ANKS1A: variants seen among roughly 807,000 people sequenced by gnomAD.
ANKS1A encodes the protein ankyrin repeat and SAM domain-containing protein 1A.
In ANKS1A, 55 loss-of-function variants were observed where a neutral mutation model predicts 120.3. The ratio of observed to expected loss-of-function variants is 0.46; its 90% CI spans 0.37 to 0.57. The LOEUF (loss-of-function observed/expected upper bound fraction) is 0.57. Among genes scored for constraint, ANKS1A ranks in the 20% least tolerant of loss-of-function variants. The pLI is 0.00. For synonymous variants in ANKS1A, 590 were observed against 604.7 expected, an observed-to-expected ratio of 0.98 and a Z score of 0.36; for missense variants, 1,123 against 1,480.3, an observed-to-expected ratio of 0.76 and a Z score of 3.96.
rs555284964 is a variant in ANKS1A, at chr6:35,086,529, C to T, written c.3304-423C>T. ...GTGTGCTTCAGCCCTCTCTGTTTTT[C>T]TGTTGTGTGTCCTCTCTCCAGAGGT... On this transcript the variant is annotated intron_variant, in intron 22 of 23. Coordinates refer to ENST00000360359, the MANE Select transcript of ANKS1A (RefSeq NM_015245.3). The surrounding 1 kb of genome is among the most constrained non-coding windows in gnomAD (Gnocchi z 5.1). Among the ~76,000 whole-genome samples the T allele has an allele frequency of 2.0e-5, 3 of 152,086 alleles. No individual in the cohort carries two copies. The highest frequency in any genetic ancestry group is 3.9e-4 in the East Asian group (2 of 5,152).
Position 34,954,358 on chromosome 6 carries a change from C to T in ANKS1A, c.198-12881C>T, listed in dbSNP as rs572010553. 1.7e-4 allele frequency among the ~76,000 whole-genome samples: 26 copies of T among 151,818 alleles called. No homozygotes were observed. In the South Asian group the frequency reaches 5.0e-3, roughly 29 times the overall value. ...TGGGAAACCTATGGATTTGTGCGTG[C>T]GTGTGTGTGTGTGGTATTGTGTGTG... On this transcript the variant is annotated intron_variant, in intron 1 of 23. Transcript: ENST00000360359.
intron 13 of ANKS1A, among the ~76,000 whole-genome samples, chr6:35,063,133 G>A (rs75791894): frequency 6.6e-6 from 1 of 152,200 alleles, no homozygotes; most frequent in African/African-American, 2.4e-5. Context: ...GGGCAGTGGG[G>A]GCTGCCAGGT....
At chr6:34,988,640 A>C (rs1037243708) in intron 8 of ANKS1A, among the ~76,000 whole-genome samples, 12 of 152,344 alleles carry the variant, frequency 7.9e-5, no homozygotes, top group Middle Eastern at 3.4e-3. Context: ...ATAGAGTTTC[A>C]TATAATACTT....
At chr6:35,027,186 G>A (rs2127566392) in intron 11 of ANKS1A, among the ~76,000 whole-genome samples, 1 of 152,286 alleles carries the variant, frequency 6.6e-6, no homozygotes, top group East Asian at 1.9e-4. Flanking sequence ...AGTGAGGGAG[G>A]CCAACTGATT....
At chr6:35,068,096 G>A (rs1172707758) in intron 13 of ANKS1A, among the ~76,000 whole-genome samples, 4 of 152,100 alleles carry the variant, frequency 2.6e-5, no homozygotes, top group African/African-American at 9.7e-5. Context: ...GTTTCACCAT[G>A]TTGGCCAGGC....
intron 13 of ANKS1A, among the ~76,000 whole-genome samples, chr6:35,071,991 C>G (rs1031608519): frequency 3.9e-5 from 6 of 152,272 alleles, no homozygotes; most frequent in African/African-American, 1.4e-4. Flanking sequence ...CTAAAAGGGT[C>G]TACACCAGTG....
At chr6:35,033,768 G>A (rs947751640) in intron 11 of ANKS1A, among the ~76,000 whole-genome samples, 1 of 152,202 alleles carries the variant, frequency 6.6e-6, no homozygotes, top group Non-Finnish European at 1.5e-5. Context: ...AATGAAGAAC[G>A]AGTCTATTGG....
chr6:35,064,755 T>A (rs1412218779), intron 13 of ANKS1A, among the ~76,000 whole-genome samples: 1 of 152,164 alleles, frequency 6.6e-6, no homozygotes, highest in African/African-American at 2.4e-5. Context: ...GGCACCATTA[T>A]CAGAATGGTC....
chr6:34,911,322 C>A (rs1767898101), intron 1 of ANKS1A, among the ~76,000 whole-genome samples: 1 of 152,150 alleles, frequency 6.6e-6, no homozygotes, highest in Non-Finnish European at 1.5e-5. Flanking sequence ...GTGCAGAAAG[C>A]CAAATCGGTA....
chr6:35,096,290 C>G (rs1778468480), downstream of ANKS1A, among the ~76,000 whole-genome samples: 1 of 152,232 alleles, frequency 6.6e-6, no homozygotes, highest in South Asian at 2.1e-4. Context: ...CTACATCCCT[C>G]CCTCCTGGGA....
chr6:34,901,747 G>A (rs1414771480), intron 1 of ANKS1A, among the ~76,000 whole-genome samples: 2 of 152,168 alleles, frequency 1.3e-5, no homozygotes, highest in Admixed American at 1.3e-4. Context: ...CTGGGCTTAA[G>A]AGATCTGCCC....
intron 1 of ANKS1A, among the ~76,000 whole-genome samples, chr6:34,960,831 T>A (rs1223751953): frequency 6.6e-6 from 1 of 152,196 alleles, no homozygotes; most frequent in Non-Finnish European, 1.5e-5. Flanking sequence ...CATGAATGAT[T>A]TAAGTCCTGG....
intron 11 of ANKS1A, among the ~76,000 whole-genome samples, chr6:35,036,227 G>A (rs1399447826): frequency 2.0e-5 from 3 of 152,186 alleles, no homozygotes; most frequent in Non-Finnish European, 4.4e-5. Context: ...TGGGGCTGAG[G>A]ACTGCTGCCA....
chr6:34,938,817 ATC>A (rs985823745), intron 1 of ANKS1A, among the ~76,000 whole-genome samples: 130 of 152,274 alleles, frequency 8.5e-4, no homozygotes, highest in African/African-American at 2.8e-3. Context: ...GTGAAACCCC[ATC>A]TCTACAAAAA....
chr6:35,068,244 A>G (rs1229155250), intron 13 of ANKS1A, among the ~76,000 whole-genome samples: 2 of 152,208 alleles, frequency 1.3e-5, no homozygotes, highest in East Asian at 3.8e-4. Context: ...GAAACTCAAA[A>G]GAATCTTTTA....
At chr6:35,046,685 C>T (rs1308532935) in intron 11 of ANKS1A, among the ~76,000 whole-genome samples, 1 of 152,180 alleles carries the variant, frequency 6.6e-6, no homozygotes, top group Non-Finnish European at 1.5e-5. Context: ...AAGTTGCAGA[C>T]ATCAGTACTC....
intron 9 of ANKS1A, among the ~76,000 whole-genome samples, chr6:34,990,491 C>CT (rs36082323): frequency 6.9e-4 from 96 of 138,772 alleles, no homozygotes; most frequent in African/African-American, 1.6e-3. Context: ...TACCCCCCTC[C>CT]TTTTTTTTTT....
downstream of ANKS1A, among the ~76,000 whole-genome samples, chr6:35,093,995 G>A (rs76402481): frequency 0.012 from 1,869 of 152,310 alleles, 36 homozygotes; most frequent in African/African-American, 0.042. Context: ...GGGAGTCAGT[G>A]GAAACTACAG....
At chr6:34,927,488 A>G (rs1418599403) in intron 1 of ANKS1A, among the ~76,000 whole-genome samples, 1 of 151,962 alleles carries the variant, frequency 6.6e-6, no homozygotes, top group Admixed American at 6.6e-5. Context: ...GCCACTAGGG[A>G]TTTCTGAGCT....
Sources: allele counts gnomAD v4.1 joint callset (sites outside exome capture counted in the v4.1 genomes callset), GRCh38; gene constraint gnomAD v4.1.1; non-coding constraint Gnocchi (gnomAD v3.1); transcripts MANE v1.5; gene names NCBI Gene and HGNC (gene_info 2026-07-23, HGNC 2026-07-21).